The following CGN variants were observed in gnomAD, a reference collection of about 807,000 sequenced individuals.
CGN encodes the protein cingulin.
CGN carries 121 observed loss-of-function variants against 157.1 expected under a neutral mutation model. The observed-to-expected ratio is 0.77, with a 90% CI of 0.66 to 0.90. CGN has a LOEUF of 0.90. Among genes scored for constraint, CGN ranks in the 40% least tolerant of loss-of-function variants. The probability of loss-of-function intolerance (pLI) is 0.00; values close to 1 mark genes in which losing one functional copy is unlikely to be tolerated. For synonymous variants in CGN, 535 were observed against 607.5 expected (o/e 0.88, Z 1.76); for missense variants, 1,424 against 1,520.9 (o/e 0.94, Z 1.06).
chr1:151,533,427 G>A (rs1557993374), intron 14 of CGN, among the ~76,000 whole-genome samples: 1 of 151,860 alleles, frequency 6.6e-6, no homozygotes, highest in South Asian at 2.1e-4. Context: ...AGTGAGCCGC[G>A]ATTGTGCCAC....
chr1:151,528,387 T>C (rs769531846), intron 10 of CGN, among the ~76,000 whole-genome samples: 24 of 149,104 alleles, frequency 1.6e-4, no homozygotes, highest in Non-Finnish European at 3.0e-4. Context: ...TTTTACATGC[T>C]ATAAAAGTCA....
chr1:151,510,815 T>C (rs137860389), upstream of CGN: 1 of 152,138 alleles, frequency 6.6e-6, no homozygotes, highest in Non-Finnish European at 1.5e-5. Flanking sequence ...AAATATTACA[T>C]AGAAAAAGAT....
chr1:151,533,933 T>C (rs1319741026), intron 14 of CGN, 42 bp from the exon 15 acceptor site: 1 of 1,555,554 alleles, frequency 6.4e-7, no homozygotes, highest in Non-Finnish European at 8.7e-7. Flanking sequence ...AACCCTCACC[T>C]TCTCACTACA....
chr1:151,529,516 A>T lies in CGN; in HGVS notation c.2063A>T (p.Lys688Met), dbSNP rs968020945. The change falls in exon 11 of 21, where the codon AAG becomes ATG. Residue 688 changes from lysine to methionine, a missense_variant. Physicochemically the swap from Lys to Met is moderately conservative, Grantham distance 95. This residue lies in a region of CGN where 1,187 missense variants were observed against 1,217.6 expected (regional missense o/e 0.97). Transcript: ENST00000271636. ...ELEEQNLQLQ[K>M]TLQQLRQDCE... ...GAAGAACAGAACCTCCAGCTACAAAAGACCCTCCAGCAACTGCGACAGGAC... is the reference window on the plus strand; with the variant it reads ...GAAGAACAGAACCTCCAGCTACAAATGACCCTCCAGCAACTGCGACAGGAC... 8 of 1,613,840 alleles carry T rather than the reference A, an allele frequency of 5.0e-6. No homozygotes were observed. Among genetic ancestry groups the T allele is most frequent in the Non-Finnish European group, 6.8e-6 (8 of 1,180,010 alleles).
chr1:151,521,707 A>C (rs879936678), intron 5 of CGN, among the ~76,000 whole-genome samples: 12 of 152,140 alleles, frequency 7.9e-5, no homozygotes, highest in Non-Finnish European at 1.6e-4. Flanking sequence ...GTATGGTGGC[A>C]CATGCCTGTA....
In CGN at chr1:151,537,275, G is replaced by A. The variant is rs779015607; in HGVS notation, c.3541G>A (p.Asp1181Asn). The part of the protein sequence containing the change: ...NEGLSSDEEF[D>N]SVYDPSSIAS... ...AGGGCTGAGCTCAGATGAGGAATTC[G>A]ACAGTGTCTACGATCCCTCGTCCAT... The change falls in exon 21 of 21, where the codon GAC becomes AAC. Residue 1181 changes from aspartate to asparagine, a missense_variant. By Grantham distance (23) the Asp-to-Asn change is conservative. This residue lies in a region of CGN where 38 missense variants were observed against 31.1 expected (regional missense o/e 1.22). Coordinates refer to ENST00000271636, the MANE Select transcript of CGN (RefSeq NM_020770.3). The A allele has an allele frequency of 2.2e-5, 35 of 1,613,860 alleles. No homozygotes were observed. Among genetic ancestry groups the A allele is most frequent in the Non-Finnish European group, 2.9e-5 (34 of 1,179,892 alleles).
At chr1:151,514,335 T>G (rs1664361826) in intron 1 of CGN, among the ~76,000 whole-genome samples, 1 of 152,172 alleles carries the variant, frequency 6.6e-6, no homozygotes, top group Admixed American at 6.5e-5. Flanking sequence ...GATCAGTAGA[T>G]GTACTGACAG....
intron 1 of CGN, among the ~76,000 whole-genome samples, chr1:151,514,817 G>A (rs996099239): frequency 5.3e-5 from 8 of 152,180 alleles, no homozygotes; most frequent in Non-Finnish European, 1.2e-4. Flanking sequence ...GGTGGTCAGG[G>A]AAGGCTTCTC....
intron 5 of CGN, 23 bp from the exon 6 acceptor site, chr1:151,523,411 T>C: frequency 6.3e-7 from 1 of 1,595,340 alleles, no homozygotes; most frequent in Non-Finnish European, 8.5e-7. Context: ...CTCTACCTGC[T>C]GTACTCTCAT....
chr1:151,530,584 G>A lies in CGN; in HGVS notation c.2409G>A (p.Glu803=), dbSNP rs769972942. The A allele has an allele frequency of 3.1e-6, 5 of 1,611,620 alleles. No homozygotes were observed. Among genetic ancestry groups the A allele is most frequent in the Non-Finnish European group, 4.2e-6 (5 of 1,178,892 alleles). The change falls in exon 13 of 21, where the codon GAG becomes GAA. Residue 803 remains glutamate, a synonymous_variant. Coordinates refer to ENST00000271636, the MANE Select transcript of CGN (RefSeq NM_020770.3). ...AAKRALEARL[E]EAQRGLARLG... ...AGCGGGCACTGGAGGCACGCCTAGA[G>A]GAGGCTCAGCGGGGGCTGGCCCGCC...
chr1:151,532,553 T>C lies in CGN; in HGVS notation c.2723T>C (p.Leu908Pro). The change falls in exon 14 of 21, where the codon CTG becomes CCG. Residue 908 changes from leucine (L) to proline (P), a missense_variant. Leu to Pro is a moderately conservative substitution (Grantham distance 98). Coordinates refer to ENST00000271636, the MANE Select transcript of CGN (RefSeq NM_020770.3). ...GAGGCTGAGAAGACCTCTGGAGGAC[T>C]GAGCCGACTTCAGGATGAGGTAGAA... ...ASEAEKTSGG[L>P]SRLQDEIQRL... 6.4e-7 allele frequency: 1 copy of C among 1,550,878 alleles called. No individual in the cohort carries two copies. Among genetic ancestry groups the C allele is most frequent in the Non-Finnish European group, 8.7e-7 (1 of 1,154,042 alleles).
chr1:151,522,966 T>A (rs1470222018), intron 5 of CGN, among the ~76,000 whole-genome samples: 2 of 151,978 alleles, frequency 1.3e-5, no homozygotes, highest in Non-Finnish European at 2.9e-5. Context: ...AAACCCAGCT[T>A]AATCAAATGG....
At chr1:151,527,550 T>G (rs1400376383) in intron 10 of CGN, among the ~76,000 whole-genome samples, 1 of 152,176 alleles carries the variant, frequency 6.6e-6, no homozygotes, top group Admixed American at 6.5e-5. Context: ...TATCATCACA[T>G]GGACTGGAAT....
At chr1:151,533,915 T>C in intron 14 of CGN, 60 bp from the exon 15 acceptor site, 1 of 1,478,794 alleles carries the variant, frequency 6.8e-7, no homozygotes, top group South Asian at 1.3e-5. Context: ...GGACTGCTCC[T>C]GCCCCTCAAC....
Position 151,524,602 on chromosome 1 carries a change from T to C in CGN, c.1402-72T>C. 3.7e-6 allele frequency: 5 copies of C among 1,359,672 alleles called. No individual in the cohort carries two copies. In the South Asian group the frequency reaches 6.5e-5, roughly 18 times the overall value. The allele number at this position is 1,359,672 out of a possible 1,614,324, so 84.2% of individuals were successfully genotyped here. A position where few individuals can be genotyped will look rare whatever the true frequency, so the allele number is the denominator to read the frequency against. ...TGTGCCTAATACGATAAATATTTTT[T>C]GACTCAGTGAATTGATAAACAGATG... is the stretch of plus-strand genomic sequence containing the variant. On this transcript the variant is annotated intron_variant, in intron 7 of 20. Transcript: ENST00000271636. This position sits in a 1 kb window ranked among gnomAD's most constrained non-coding sequence, Gnocchi z 4.4.
chr1:151,533,998 G>A lies in CGN; in HGVS notation c.2766G>A (p.Leu922=). The change falls in exon 15 of 21, where the codon CTG becomes CTA. Residue 922 remains leucine (L), a synonymous_variant. Coordinates refer to ENST00000271636, the MANE Select transcript of CGN (RefSeq NM_020770.3). ...QDEIQRLRQA[L]QASQAERDTA... The stretch of plus-strand genomic sequence containing the variant: ...AGATCCAGAGGCTGCGGCAGGCCCT[G>A]CAGGCATCCCAGGCTGAGCGGGACA... 6.2e-7 allele frequency: 1 copy of A among 1,611,408 alleles called. No homozygotes were observed. The highest frequency in any genetic ancestry group is 1.1e-5 in the South Asian group (1 of 90,874).
In CGN at chr1:151,529,960, G is replaced by T. The variant is rs764933240; in HGVS notation, c.2158G>T (p.Ala720Ser). 2.5e-6 allele frequency: 4 copies of T among 1,614,022 alleles called. No individual in the cohort carries two copies. The highest frequency in any genetic ancestry group is 1.1e-5 in the South Asian group (1 of 91,092). ...AACAGTGCTGGGGCAGCGGCGGGCC[G>T]CAGTGGAGACGACGCTTCGGGAGAC... ...EATVLGQRRA[A>S]VETTLRETQE... Residue 720 changes from alanine to serine, a missense_variant, in exon 12 of 21, where the codon GCA (alanine) becomes TCA (serine). By Grantham distance (99) the Ala-to-Ser change is moderately conservative. Around this residue, in one of 3 missense-constraint regions of CGN, gnomAD observed 1,187 missense variants for 1,217.6 expected, o/e 0.97. Transcript: ENST00000271636.
intron 3 of CGN, 26 bp from the exon 4 acceptor site, chr1:151,520,388 C>A (rs761385304): frequency 6.2e-7 from 1 of 1,606,624 alleles, no homozygotes; most frequent in Non-Finnish European, 8.5e-7. Flanking sequence ...TCCCCTAACC[C>A]TTGCTTCTAT....
At chr1:151,520,022 A>G (rs1382761878) in intron 2 of CGN, 144 bp from the exon 3 acceptor site, 2 of 657,376 alleles carry the variant, frequency 3.0e-6, no homozygotes, top group African/African-American at 3.7e-5. Flanking sequence ...TCCTTGCTGC[A>G]TTTCAGGATT....
Sources: gnomAD v4.1 joint callset for allele counts (sites outside exome capture counted in the v4.1 genomes callset) on GRCh38, gnomAD v4.1.1 for gene constraint, gnomAD v4.1.1 regional missense constraint, Gnocchi (gnomAD v3.1) non-coding constraint, MANE v1.5 for transcripts, NCBI Gene and HGNC (gene_info 2026-07-23, HGNC 2026-07-21) for gene names.